Variants in SLIT3 observed in about 807,000 individuals in gnomAD.
SLIT3 encodes slit homolog 3 protein.
SLIT3 carries 68 observed loss-of-function variants against 184.0 expected under a neutral mutation model. The observed-to-expected ratio is 0.37, with a 90% CI of 0.30 to 0.45. The LOEUF is 0.45. Ranked by LOEUF, SLIT3 falls within the 20% of genes least tolerant of loss-of-function variation. The probability of loss-of-function intolerance (pLI) is 1.00; values close to 1 mark genes in which losing one functional copy is unlikely to be tolerated. For synonymous variants in SLIT3, 831 were observed against 828.6 expected, an observed-to-expected ratio of 1.00 and a Z score of -0.05; for missense variants, 1,707 against 2,026.0, an observed-to-expected ratio of 0.84 and a Z score of 3.02.
intron 4 of SLIT3, among the ~76,000 whole-genome samples, chr5:169,016,365 C>G (rs892114848): frequency 1.3e-5 from 2 of 152,168 alleles, no homozygotes; most frequent in African/African-American, 4.8e-5. Flanking sequence ...AATCAAGACA[C>G]AGCTAACGGG....
At position 168,752,979 on chromosome 5, in the gene SLIT3, G is replaced by A; in HGVS notation, c.1949C>T (p.Thr650Ile). 6.2e-7 allele frequency: 1 copy of A among 1,614,116 alleles called. No individual in the cohort carries two copies. Among genetic ancestry groups the A allele is most frequent in the Non-Finnish European group, 8.5e-7 (1 of 1,180,018 alleles). Residue 650 changes from threonine (T) to isoleucine (I), a missense_variant, in exon 18 of 36, where the codon ACC becomes ATC. Coordinates refer to ENST00000519560, the MANE Select transcript of SLIT3 (RefSeq NM_003062.4). ...RITTITPGAF[T>I]TLVSLSTINL... ...CATGGTGGACAGGGAGACAAGCGTG[G>A]TGAAGGCCCCAGGGGTGATGGTGGT...
At chr5:168,883,666 AC>A (rs1463178857) in intron 4 of SLIT3, among the ~76,000 whole-genome samples, 3 of 133,848 alleles carry the variant, frequency 2.2e-5, no homozygotes, top group Non-Finnish European at 3.3e-5. Context: ...CCCGGAGACA[AC>A]CCCCTGCCCC....
chr5:169,128,646 G>T (rs530255605), intron 4 of SLIT3, among the ~76,000 whole-genome samples: 2 of 152,242 alleles, frequency 1.3e-5, no homozygotes, highest in South Asian at 2.1e-4. Flanking sequence ...GGCCAGGCTG[G>T]TTTGAACTCC....
At chr5:169,059,347 C>A (rs1370748321) in intron 4 of SLIT3, among the ~76,000 whole-genome samples, 1 of 152,180 alleles carries the variant, frequency 6.6e-6, no homozygotes, top group East Asian at 1.9e-4. Context: ...CAACAAAAGC[C>A]GCATTCTTTA....
chr5:168,949,271 TC>T (rs1357147724), intron 4 of SLIT3, among the ~76,000 whole-genome samples: 4 of 152,156 alleles, frequency 2.6e-5, no homozygotes, highest in Non-Finnish European at 5.9e-5. Context: ...CCACAGAGAA[TC>T]CTGCAGTCAT....
At chr5:169,133,562 C>T (rs1581442764) in intron 4 of SLIT3, among the ~76,000 whole-genome samples, 1 of 152,258 alleles carries the variant, frequency 6.6e-6, no homozygotes, top group Non-Finnish European at 1.5e-5. Context: ...CTTTCCTTCT[C>T]GAGGTGGGAG....
chr5:168,762,500 T>TG, intron 15 of SLIT3, 39 bp downstream of exon 15: 1 of 1,594,952 alleles, frequency 6.3e-7, no homozygotes, highest in South Asian at 1.1e-5. Flanking sequence ...GACTGGCGTG[T>TG]GGGGAGGAGT....
At chr5:169,285,364 G>A (rs1237186646) in intron 1 of SLIT3, among the ~76,000 whole-genome samples, 1 of 152,184 alleles carries the variant, frequency 6.6e-6, no homozygotes, top group African/African-American at 2.4e-5. Flanking sequence ...CTTCTATAGA[G>A]AAATGCCAGC....
At chr5:169,009,089 AT>A (rs74825013) in intron 4 of SLIT3, among the ~76,000 whole-genome samples, 62 of 146,960 alleles carry the variant, frequency 4.2e-4, no homozygotes, top group Non-Finnish European at 6.6e-4. Flanking sequence ...CAAAATTACA[AT>A]TTTTTTTTAA....
rs549475952 is a variant in SLIT3 at position 168,819,835 on chromosome 5, C to T, written c.630-2372G>A. Among the ~76,000 whole-genome samples the T allele has an allele frequency of 2.3e-3, 356 of 152,212 alleles. 1 individual carries two copies. The highest frequency in any genetic ancestry group is 3.0e-3 in the Admixed American group (46 of 15,298). On this transcript the variant is annotated intron_variant, in intron 7 of 35. Coordinates refer to ENST00000519560, the MANE Select transcript of SLIT3 (RefSeq NM_003062.4). ...TACAGATAGTTCCTATCCCTTTGTCCGTCTTAATAGAAATTTTTCTCCTCC... is the reference window on the plus strand; with the variant it reads ...TACAGATAGTTCCTATCCCTTTGTCTGTCTTAATAGAAATTTTTCTCCTCC...
chr5:168,841,195 TCA>T (rs2113707273), intron 6 of SLIT3, among the ~76,000 whole-genome samples: 1 of 152,350 alleles, frequency 6.6e-6, no homozygotes, highest in South Asian at 2.1e-4. Flanking sequence ...GAATGGTTAA[TCA>T]CACAGACTCT....
chr5:169,002,436 G>A (rs1581287737), intron 4 of SLIT3, among the ~76,000 whole-genome samples: 1 of 151,408 alleles, frequency 6.6e-6, no homozygotes, highest in African/African-American at 2.4e-5. Flanking sequence ...TGAAAAGAAT[G>A]GTCTGGGAAG....
In SLIT3 at chr5:169,019,829, C is replaced by T. The variant is rs533649671; in HGVS notation, c.414-136493G>A. Reference sequence around the variant, plus strand: ...TATAAAGGATTAAATATGTTTGAGTCTTTTTATGTCCTCTTAATCCATTTT... The same window carrying T: ...TATAAAGGATTAAATATGTTTGAGTTTTTTTATGTCCTCTTAATCCATTTT... On this transcript the variant is annotated intron_variant, in intron 4 of 35. Coordinates refer to ENST00000519560, the MANE Select transcript of SLIT3 (RefSeq NM_003062.4). Among the ~76,000 whole-genome samples, 713 of 152,308 alleles carry T rather than the reference C, an allele frequency of 4.7e-3. 7 individuals carry two copies. The highest frequency in any genetic ancestry group is 0.011 in the Admixed American group (162 of 15,306).
chr5:168,949,635 G>C (rs1395676077), intron 4 of SLIT3, among the ~76,000 whole-genome samples: 5 of 152,160 alleles, frequency 3.3e-5, no homozygotes, highest in Admixed American at 6.5e-5. Context: ...GGCTCGCTGT[G>C]TCGCCCAGGC....
At chr5:169,196,151 C>A (rs914706047) in intron 3 of SLIT3, among the ~76,000 whole-genome samples, 1 of 118,772 alleles carries the variant, frequency 8.4e-6, no homozygotes, top group African/African-American at 3.1e-5. Context: ...GTGTTCCCAT[C>A]ACTAAAGTAG....
intron 8 of SLIT3, among the ~76,000 whole-genome samples, chr5:168,814,473 T>C (rs1326489466): frequency 6.6e-6 from 1 of 152,178 alleles, no homozygotes; most frequent in Non-Finnish European, 1.5e-5. Flanking sequence ...ATCCTTCAGA[T>C]GCCTTGTGGG....
chr5:169,235,752 A>G (rs549420950), intron 3 of SLIT3, among the ~76,000 whole-genome samples: 2 of 152,310 alleles, frequency 1.3e-5, no homozygotes, highest in Admixed American at 6.5e-5. Flanking sequence ...AAGTTTCTCA[A>G]TAGAGATTTG....
At chr5:168,977,212 G>A (rs780073249) in intron 4 of SLIT3, among the ~76,000 whole-genome samples, 3 of 152,156 alleles carry the variant, frequency 2.0e-5, no homozygotes, top group Non-Finnish European at 4.4e-5. Flanking sequence ...GAGTGGTAAC[G>A]ACAGTGGCAC....
In SLIT3 at chr5:168,772,834, C is replaced by T. The variant is rs267600544; in HGVS notation, c.1406G>A (p.Arg469Gln). 32 of 1,613,926 alleles carry T rather than the reference C, an allele frequency of 2.0e-5. No homozygotes were observed. Among genetic ancestry groups the T allele is most frequent in the African/African-American group, 1.7e-4 (13 of 74,884 alleles). Residue 469 changes from arginine to glutamine, a missense_variant, in exon 14 of 36, where the codon CGA becomes CAA. Physicochemically the swap from Arg to Gln is conservative, Grantham distance 43 (BLOSUM62 1). Around this residue, in one of 3 missense-constraint regions of SLIT3, gnomAD observed 1,307 missense variants for 1,511.6 expected, o/e 0.86. Coordinates refer to ENST00000519560, the MANE Select transcript of SLIT3 (RefSeq NM_003062.4). ...TSGARCSSPR[R>Q]LANKRISQIK... ...CTGGCTGATGCGCTTGTTGGCGAGT[C>T]GGCGCGGGCTGCTGCAGCGGGCCCC...
Sources: allele counts gnomAD v4.1 joint callset (sites outside exome capture counted in the v4.1 genomes callset), GRCh38; gene constraint gnomAD v4.1.1; regional missense constraint gnomAD v4.1.1; transcripts MANE v1.5; gene names NCBI Gene and HGNC (gene_info 2026-07-23, HGNC 2026-07-21).